The following CELF2 variants were observed in gnomAD, a reference collection of about 807,000 sequenced individuals.
CELF2 encodes CUG triplet repeat RNA-binding protein 2.
Under a neutral mutation model 62.6 loss-of-function variants are expected in CELF2, and 8 were observed. The observed-to-expected ratio is 0.13, with a 90% CI of 0.07 to 0.23. CELF2 has a LOEUF of 0.23. Among genes scored for constraint, CELF2 ranks in the 10% least tolerant of loss-of-function variants. The probability of loss-of-function intolerance (pLI) is 1.00; values close to 1 mark genes in which losing one functional copy is unlikely to be tolerated. For missense variants in CELF2, 333 were observed against 671.0 expected (o/e 0.50, Z 5.56); for synonymous variants, 258 against 250.0 (o/e 1.03, Z -0.30).
At position 11,328,561 on chromosome 10, in the gene CELF2, C is replaced by G. The variant is rs1010682078; in HGVS notation, c.1439-365C>G. Among the ~76,000 whole-genome samples the G allele has an allele frequency of 5.3e-5, 8 of 152,206 alleles. No individual in the cohort carries two copies. Among genetic ancestry groups the G allele is most frequent in the Non-Finnish European group, 1.0e-4 (7 of 68,032 alleles). On this transcript the variant is annotated intron_variant, in intron 12 of 12. Transcript: ENST00000633077. The surrounding 1 kb of genome is among the most constrained non-coding windows in gnomAD (Gnocchi z 6.4). ...TTTACACCACTGCTTGTATGAGTAG[C>G]ATGTATGGACCTGGGGTTCTTTTGG...
intron 1 of CELF2, among the ~76,000 whole-genome samples, chr10:11,026,592 C>G (rs2059246728): frequency 6.6e-6 from 1 of 152,158 alleles, no homozygotes; most frequent in Non-Finnish European, 1.5e-5. Context: ...ATCTCTGTAC[C>G]CTGGCCTAGA....
chr10:10,825,530 T>TC (rs1010395261), intron 1 of CELF2, among the ~76,000 whole-genome samples: 1 of 152,160 alleles, frequency 6.6e-6, no homozygotes, highest in African/African-American at 2.4e-5. Flanking sequence ...GTTTTAAGTG[T>TC]CCAATGGTGA....
intron 1 of CELF2, among the ~76,000 whole-genome samples, chr10:10,838,233 G>A (rs1035499960): frequency 2.0e-5 from 3 of 152,164 alleles, no homozygotes; most frequent in Non-Finnish European, 4.4e-5. Context: ...TGGGATTATG[G>A]GTTTGGGGGA....
intron 2 of CELF2, among the ~76,000 whole-genome samples, chr10:10,978,112 G>A (rs139674336): frequency 1.3e-3 from 191 of 151,490 alleles, no homozygotes; most frequent in African/African-American, 4.5e-3. Flanking sequence ...AGATTTACAG[G>A]AATGTGTCTA....
chr10:10,816,242 T>C (rs1037365658), intron 1 of CELF2, among the ~76,000 whole-genome samples: 2 of 152,228 alleles, frequency 1.3e-5, no homozygotes, highest in African/African-American at 4.8e-5. Flanking sequence ...GCCCTGTGTT[T>C]CATAAATCCA....
chr10:10,895,219 A>G (rs1268828561), intron 1 of CELF2, among the ~76,000 whole-genome samples: 1 of 152,190 alleles, frequency 6.6e-6, no homozygotes, highest in Non-Finnish European at 1.5e-5. Context: ...GACTTACCCC[A>G]TAAAGATATT....
In CELF2 at chr10:10,929,817, G is replaced by A. The variant is rs552450516; in HGVS notation, c.89+9818G>A. Among the ~76,000 whole-genome samples the A allele has an allele frequency of 8.5e-5, 13 of 152,254 alleles. No homozygotes were observed. The East Asian group carries it at 2.1e-3, about 25-fold the overall frequency. On this transcript the variant is annotated intron_variant, in intron 2 of 13. Transcript: ENST00000636488. ...GAGATGAGAGAGCATCAAGCCATCG[G>A]GCATATAACCCTCAAATTCAGAGTT... is the stretch of plus-strand genomic sequence containing the variant.
the CELF2 span, among the ~76,000 whole-genome samples, chr10:10,523,310 A>G: frequency 6.6e-6 from 1 of 152,218 alleles, no homozygotes; most frequent in Non-Finnish European, 1.5e-5. Flanking sequence ...ATATCTTTCA[A>G]TAGATATTGG....
intron 1 of CELF2, among the ~76,000 whole-genome samples, chr10:11,029,451 C>T (rs1593480920): frequency 3.3e-5 from 5 of 152,250 alleles, no homozygotes; most frequent in Admixed American, 3.3e-4. Flanking sequence ...TGTGTGAATC[C>T]ATTGTTGAGG....
Position 10,930,572 on chromosome 10 carries a change from C to T in CELF2, c.89+10573C>T, listed in dbSNP as rs1471692465. On this transcript the variant is annotated intron_variant, in intron 2 of 13. Coordinates refer to the CELF2 transcript ENST00000636488. ...AAAGCCTGCCGTTTTCTGGATTTGT[C>T]GCCATAGAGAATTGGAGATTTATTC... Among the ~76,000 whole-genome samples the T allele has an allele frequency of 6.6e-5, 10 of 152,198 alleles. No individual in the cohort carries two copies. The South Asian group carries it at 1.0e-3, about 16-fold the overall frequency.
the CELF2 span, among the ~76,000 whole-genome samples, chr10:10,669,737 C>A: frequency 6.6e-6 from 1 of 152,282 alleles, no homozygotes; most frequent in East Asian, 1.9e-4. Flanking sequence ...AACGCTCCCT[C>A]TTCATGATAT....
chr10:11,189,509 G>A (rs55946325), intron 2 of CELF2, among the ~76,000 whole-genome samples: 3 of 151,930 alleles, frequency 2.0e-5, no homozygotes, highest in Admixed American at 6.5e-5. Context: ...CCCCTCACCT[G>A]TTCTTCCCTT....
At chr10:10,616,304 G>A in the CELF2 span, among the ~76,000 whole-genome samples, 1 of 138,248 alleles carries the variant, frequency 7.2e-6, no homozygotes, top group Non-Finnish European at 1.5e-5. Context: ...GGGTGTGTGT[G>A]TGTGTGTGTG....
At chr10:11,063,034 G>A (rs2067204412) in intron 1 of CELF2, among the ~76,000 whole-genome samples, 1 of 152,190 alleles carries the variant, frequency 6.6e-6, no homozygotes, top group African/African-American at 2.4e-5. Context: ...ACGATAGTTA[G>A]CAATTTTTAG....
At chr10:10,855,466 C>T (rs11256874) in intron 1 of CELF2, among the ~76,000 whole-genome samples, 2,346 of 152,308 alleles carry the variant, frequency 0.015, 76 homozygotes, top group African/African-American at 0.054. Context: ...AAATACAGTG[C>T]CCTGTCACCA....
chr10:11,254,569 A>G (rs2137630239), intron 4 of CELF2, among the ~76,000 whole-genome samples: 1 of 152,244 alleles, frequency 6.6e-6, no homozygotes, highest in East Asian at 1.9e-4. Flanking sequence ...TAGGAAAAAA[A>G]TCATTTTTAA....
intron 2 of CELF2, among the ~76,000 whole-genome samples, chr10:10,940,169 T>C (rs2046894300): frequency 6.6e-6 from 1 of 152,228 alleles, no homozygotes; most frequent in South Asian, 2.1e-4. Flanking sequence ...TAGCTCTATA[T>C]GTCAGCTACC....
At chr10:10,605,086 C>T in the CELF2 span, among the ~76,000 whole-genome samples, 1 of 152,190 alleles carries the variant, frequency 6.6e-6, no homozygotes, top group Admixed American at 6.5e-5. Context: ...GAATACTATG[C>T]AGCCATTAAA....
At chr10:11,292,576 A>C (rs2092667375) in intron 9 of CELF2, among the ~76,000 whole-genome samples, 2 of 152,310 alleles carry the variant, frequency 1.3e-5, no homozygotes, top group South Asian at 4.1e-4. Flanking sequence ...CATAAAAATG[A>C]GTTGGGGCCT....
Sources: gnomAD v4.1 joint callset for allele counts (sites outside exome capture counted in the v4.1 genomes callset) on GRCh38, gnomAD v4.1.1 for gene constraint, Gnocchi (gnomAD v3.1) non-coding constraint, MANE v1.5 for transcripts, NCBI Gene and HGNC (gene_info 2026-07-23, HGNC 2026-07-21) for gene names.